The following UNC80 variants were observed in gnomAD, a reference collection of about 807,000 sequenced individuals.
UNC80 encodes the protein protein unc-80 homolog.
A neutral mutation model predicts 384.6 loss-of-function variants in UNC80; 164 were observed. That is an observed-to-expected ratio of 0.43 (90% CI 0.38 to 0.49). The LOEUF (loss-of-function observed/expected upper bound fraction) is 0.49. Ranked by LOEUF, UNC80 falls within the 20% of genes least tolerant of loss-of-function variation. UNC80 has a pLI of 0.00. For missense variants in UNC80, 3,330 were observed against 4,143.0 expected, an observed-to-expected ratio of 0.80 and a Z score of 5.39; for synonymous variants, 1,486 against 1,527.8, an observed-to-expected ratio of 0.97 and a Z score of 0.64.
chr2:209,903,566 A>ATATATATTATATATAGTAATATATATAC, intron 28 of UNC80, among the ~76,000 whole-genome samples: 6 of 2,412 alleles, frequency 2.5e-3, no homozygotes, highest in Non-Finnish European at 3.6e-3. Context: ...TATATATACT[A>ATATATATTATATATAGTAATATATATAC]TATATATAGT....
At position 209,779,839 on chromosome 2, in the gene UNC80, A is replaced by C. The variant is rs1188669035; in HGVS notation, c.600+2280A>C. The stretch of plus-strand genomic sequence containing the variant: ...AAATATCACCTGGAAAAATGTGGGA[A>C]TATAGGAGTGCCCAGGGTGGATGTA... On this transcript the variant is annotated intron_variant, in intron 4 of 64. Transcript: ENST00000673920. Among the ~76,000 whole-genome samples the C allele has an allele frequency of 2.0e-5, 3 of 152,336 alleles. No individual in the cohort carries two copies. The East Asian group carries it at 5.8e-4, about 29-fold the overall frequency.
chr2:209,927,064 A>G, intron 36 of UNC80, 78 bp downstream of exon 36: 4 of 1,467,192 alleles, frequency 2.7e-6, no homozygotes, highest in Non-Finnish European at 3.7e-6. Flanking sequence ...TTGCTCTTAA[A>G]CACATTATCT....
chr2:209,771,867 C>A lies in UNC80; in HGVS notation c.-206C>A. The A allele has an allele frequency of 1.8e-6, 1 of 568,992 alleles. No homozygotes were observed. The highest frequency in any genetic ancestry group is 2.0e-5 in the African/African-American group (1 of 50,842). The allele number at this position is 568,992 out of a possible 1,614,324, so 35.2% of individuals were successfully genotyped here. On this transcript the variant is annotated 5_prime_UTR_variant, in exon 1 of 65. Coordinates refer to ENST00000673920, the MANE Select transcript of UNC80 (RefSeq NM_001371986.1). ...CCCCCCTCCTCGCTCCGCGGCTCCT[C>A]CAGCCCTCCCCTCCTCCCGCAGCCA...
At chr2:209,896,197 C>A in intron 27 of UNC80, 116 bp from the exon 28 acceptor site, 1 of 856,826 alleles carries the variant, frequency 1.2e-6, no homozygotes. Context: ...GCCCTGTAAC[C>A]CACTGGGCCA....
chr2:209,981,233 T>C (rs2093149365), intron 59 of UNC80, among the ~76,000 whole-genome samples: 1 of 152,244 alleles, frequency 6.6e-6, no homozygotes, highest in Admixed American at 6.5e-5. Flanking sequence ...TAAGTCACTT[T>C]GTCATAGATA....
At chr2:209,821,939 A>C (rs745764487) in intron 13 of UNC80, among the ~76,000 whole-genome samples, 1 of 152,154 alleles carries the variant, frequency 6.6e-6, no homozygotes, top group Non-Finnish European at 1.5e-5. Flanking sequence ...ATAAACTATA[A>C]ATTGTCCATT....
At position 209,943,393 on chromosome 2, in the gene UNC80, A is replaced by G. The variant is rs1395447657; in HGVS notation, c.6929A>G (p.Tyr2310Cys). ...ATTTTTCCATAGGTGTACTCCGACT[A>G]TGAAAGCAATCCCCAGCTGCGTCAA... ...LPTMLQVYSD[Y>C]ESNPQLRQAI... The change falls in exon 45 of 65, where the codon TAT becomes TGT. Residue 2310 changes from tyrosine to cysteine, a missense_variant. Tyr to Cys is a radical substitution (Grantham distance 194, BLOSUM62 -2). This residue lies in a region of UNC80 where 1,049 missense variants were observed against 1,488.6 expected (regional missense o/e 0.70). Transcript: ENST00000673920. 5 of 1,552,216 alleles carry G rather than the reference A, an allele frequency of 3.2e-6. No homozygotes were observed. The highest frequency in any genetic ancestry group is 4.4e-6 in the Non-Finnish European group (5 of 1,147,054).
At chr2:209,845,590 T>C (rs150771576) in intron 21 of UNC80, among the ~76,000 whole-genome samples, 2,036 of 152,216 alleles carry the variant, frequency 0.013, 50 homozygotes, top group African/African-American at 0.045. Flanking sequence ...CTACAATGAG[T>C]TTGTGTCAAC....
At chr2:209,793,623 C>G in intron 6 of UNC80, 97 bp from the exon 7 acceptor site, 1 of 1,442,668 alleles carries the variant, frequency 6.9e-7, no homozygotes, top group Non-Finnish European at 9.3e-7. Context: ...TATATGGAAC[C>G]ATGTTGTAAT....
At chr2:209,788,004 A>G (rs986811661) in intron 5 of UNC80, among the ~76,000 whole-genome samples, 14 of 152,218 alleles carry the variant, frequency 9.2e-5, no homozygotes, top group African/African-American at 3.1e-4. Flanking sequence ...GAAGACAGTG[A>G]TACAGATGAT....
chr2:209,829,119 C>A, intron 14 of UNC80, 113 bp from the exon 15 acceptor site: 4 of 1,290,648 alleles, frequency 3.1e-6, no homozygotes, highest in East Asian at 5.1e-5. Flanking sequence ...CTGTCACCAG[C>A]GAGTGGGGAT....
At chr2:209,860,470 G>A (rs952603183) in intron 22 of UNC80, among the ~76,000 whole-genome samples, 1 of 152,144 alleles carries the variant, frequency 6.6e-6, no homozygotes, top group African/African-American at 2.4e-5. Context: ...GTAGTTTGAA[G>A]TCAGGTAGCA....
At chr2:209,789,824 T>C (rs1201379150) in intron 6 of UNC80, among the ~76,000 whole-genome samples, 1 of 152,122 alleles carries the variant, frequency 6.6e-6, no homozygotes, top group Non-Finnish European at 1.5e-5. Context: ...TAAGACCATA[T>C]ACGACTAGTA....
chr2:209,941,350 T>C lies in UNC80; in HGVS notation c.6776T>C (p.Phe2259Ser). The part of the protein sequence containing the change: ...GDEIMLFLNV[F>S]NGALILHPED... Reference sequence around the variant, plus strand: ...GAAATCATGCTTTTCCTCAACGTTTTTAACGGGGCTCTGATCCTCCACCCG... The same window carrying C: ...GAAATCATGCTTTTCCTCAACGTTTCTAACGGGGCTCTGATCCTCCACCCG... The change falls in exon 44 of 65, where the codon TTT becomes TCT. Residue 2259 changes from phenylalanine to serine, a missense_variant. By Grantham distance (155) the Phe-to-Ser change is radical (BLOSUM62 -2). This residue lies in a region of UNC80 where 1,049 missense variants were observed against 1,488.6 expected (regional missense o/e 0.70). Coordinates refer to ENST00000673920, the MANE Select transcript of UNC80 (RefSeq NM_001371986.1). 1.3e-6 allele frequency: 2 copies of C among 1,551,282 alleles called. No individual in the cohort carries two copies. Among genetic ancestry groups the C allele is most frequent in the Non-Finnish European group, 1.7e-6 (2 of 1,146,692 alleles).
rs1559459299 is a variant in UNC80 at position 209,995,544 on chromosome 2, T to C, written c.9924T>C (p.Thr3308=). 1 of 1,552,044 alleles carries C rather than the reference T, an allele frequency of 6.4e-7. No homozygotes were observed. Among genetic ancestry groups the C allele is most frequent in the Non-Finnish European group, 8.7e-7 (1 of 1,147,080 alleles). Residue 3308 remains threonine, a synonymous_variant, in exon 65 of 65, where the codon ACT becomes ACC. Coordinates refer to ENST00000673920, the MANE Select transcript of UNC80 (RefSeq NM_001371986.1). ...TACTATCTAGTCAGTTCACCTTTACTCCCACTGAGCTGGGGAAAACGGATG... is the reference window on the plus strand; with the variant it reads ...TACTATCTAGTCAGTTCACCTTTACCCCCACTGAGCTGGGGAAAACGGATG... The part of the protein sequence containing the change: ...NPLLSSQFTF[T]PTELGKTDAV...
At chr2:209,891,708 A>G (rs2086350514) in intron 26 of UNC80, among the ~76,000 whole-genome samples, 1 of 152,152 alleles carries the variant, frequency 6.6e-6, no homozygotes. Context: ...ACAATGGAAA[A>G]CTGCAGTTAT....
rs867060822 is a variant in UNC80, at chr2:209,973,057, C to T, written c.8381-7C>T. On this transcript the variant is annotated splice_polypyrimidine_tract_variant and splice_region_variant and intron_variant, in intron 55 of 64. Transcript: ENST00000673920. ...TCCACTTCCGTCTTCCAAATTCTGC[C>T]CCTCAGATAGCCCATGGCTGGAGCA... The T allele has an allele frequency of 4.5e-6, 7 of 1,551,048 alleles. No individual in the cohort carries two copies. The South Asian group carries it at 7.1e-5, about 16-fold the overall frequency.
chr2:209,779,958 T>C (rs60161291), intron 4 of UNC80, among the ~76,000 whole-genome samples: 5 of 152,160 alleles, frequency 3.3e-5, no homozygotes, highest in Admixed American at 3.3e-4. Context: ...CTGTAAGACA[T>C]TGAGCAAATA....
intron 18 of UNC80, among the ~76,000 whole-genome samples, chr2:209,837,835 T>A (rs1039410967): frequency 3.3e-5 from 5 of 151,274 alleles, no homozygotes; most frequent in African/African-American, 1.2e-4. Flanking sequence ...GCAGTGGCGC[T>A]ATCTCGGCTC....
Sources: allele counts gnomAD v4.1 joint callset (sites outside exome capture counted in the v4.1 genomes callset), GRCh38; gene constraint gnomAD v4.1.1; regional missense constraint gnomAD v4.1.1; transcripts MANE v1.5; gene names NCBI Gene and HGNC (gene_info 2026-07-23, HGNC 2026-07-21).